DGKB: variants seen among roughly 807,000 people sequenced by gnomAD.
DGKB encodes 90 kDa diacylglycerol kinase.
DGKB carries 67 observed loss-of-function variants against 114.3 expected under a neutral mutation model. The observed-to-expected ratio is 0.59, with a 90% CI of 0.48 to 0.72. The LOEUF (loss-of-function observed/expected upper bound fraction) is 0.72. Ranked by LOEUF, DGKB falls within the 30% of genes least tolerant of loss-of-function variation. The pLI, the probability that DGKB is intolerant of heterozygous loss-of-function variation, is 0.00. For missense variants in DGKB, 907 were observed against 975.2 expected, an observed-to-expected ratio of 0.93 and a Z score of 0.93; for synonymous variants, 398 against 323.1, an observed-to-expected ratio of 1.23 and a Z score of -2.49.
chr7:14,866,092 T>C (rs1851669947), intron 1 of DGKB, among the ~76,000 whole-genome samples: 1 of 152,150 alleles, frequency 6.6e-6, no homozygotes, highest in African/African-American at 2.4e-5. Flanking sequence ...ACTTGTTTTT[T>C]AAAGACTTAA....
intron 23 of DGKB, among the ~76,000 whole-genome samples, chr7:14,331,270 C>A (rs559184263): frequency 3.3e-5 from 5 of 151,874 alleles, no homozygotes; most frequent in Non-Finnish European, 5.9e-5. Context: ...ACATCTCAAA[C>A]GCCATACTAT....
intron 2 of DGKB, among the ~76,000 whole-genome samples, chr7:14,770,509 G>A (rs1311705964): frequency 1.3e-5 from 2 of 152,110 alleles, no homozygotes; most frequent in Non-Finnish European, 2.9e-5. Flanking sequence ...AAAGTGTCAT[G>A]CCTAAATGAA....
intron 1 of DGKB, among the ~76,000 whole-genome samples, chr7:14,841,704 A>G (rs373592551): frequency 6.6e-6 from 1 of 152,188 alleles, no homozygotes; most frequent in Non-Finnish European, 1.5e-5. Context: ...TAAACATTAC[A>G]TATAAAATCT....
chr7:14,436,688 T>G lies in DGKB; in HGVS notation c.1835+41473A>C, dbSNP rs570932587. On this transcript the variant is annotated intron_variant, in intron 21 of 25. Coordinates refer to ENST00000402815, the MANE Select transcript of DGKB (RefSeq NM_001350709.2). ...AAGTAAATTGCTTTGATTTTTTATT[T>G]CACTCTTAGTGATTTTCCAGTGGTT... is the stretch of plus-strand genomic sequence containing the variant. Among the ~76,000 whole-genome samples the G allele has an allele frequency of 1.6e-4, 24 of 152,258 alleles. No individual in the cohort carries two copies. In the South Asian group the frequency reaches 4.8e-3, roughly 30 times the overall value.
intron 1 of DGKB, among the ~76,000 whole-genome samples, chr7:14,919,968 A>G (rs1784436474): frequency 6.6e-6 from 1 of 152,174 alleles, no homozygotes; most frequent in Non-Finnish European, 1.5e-5. Context: ...TCTGCAAACC[A>G]TGAGCCAAAA....
chr7:14,645,114 C>A (rs528971931), intron 13 of DGKB, among the ~76,000 whole-genome samples: 1 of 151,934 alleles, frequency 6.6e-6, no homozygotes, highest in African/African-American at 2.4e-5. Context: ...TTTTTCAAGA[C>A]CAACCATGGA....
chr7:14,429,262 C>G (rs1206675012), intron 21 of DGKB, among the ~76,000 whole-genome samples: 1 of 151,946 alleles, frequency 6.6e-6, no homozygotes, highest in Non-Finnish European at 1.5e-5. Context: ...AGGATGGAGC[C>G]CTCATGATGG....
At chr7:14,913,101 A>C (rs989230765) in intron 1 of DGKB, among the ~76,000 whole-genome samples, 33 of 152,062 alleles carry the variant, frequency 2.2e-4, no homozygotes, top group African/African-American at 4.1e-4. Context: ...CCTCACTCAC[A>C]ATGTTCCAGC....
chr7:14,803,403 A>G (rs547239552), intron 2 of DGKB, among the ~76,000 whole-genome samples: 1 of 152,200 alleles, frequency 6.6e-6, no homozygotes. Flanking sequence ...ATACCAGTTA[A>G]TTCTATGTGA....
At chr7:14,629,172 A>T (rs889089090) in intron 14 of DGKB, among the ~76,000 whole-genome samples, 1 of 152,050 alleles carries the variant, frequency 6.6e-6, no homozygotes, top group African/African-American at 2.4e-5. Flanking sequence ...TAACCCAATG[A>T]AATAATAAAC....
chr7:14,185,439 G>A (rs1360760866), intron 23 of DGKB, among the ~76,000 whole-genome samples: 6 of 151,940 alleles, frequency 3.9e-5, no homozygotes, highest in Non-Finnish European at 7.4e-5. Context: ...TGACCATACT[G>A]CCAAAAGCAA....
intron 16 of DGKB, among the ~76,000 whole-genome samples, chr7:14,607,858 G>T (rs1804808756): frequency 6.6e-6 from 1 of 151,592 alleles, no homozygotes; most frequent in African/African-American, 2.4e-5. Context: ...TAATATTTCA[G>T]TATAAAATTG....
At chr7:14,622,250 T>G (rs764363330) in intron 14 of DGKB, among the ~76,000 whole-genome samples, 2 of 152,108 alleles carry the variant, frequency 1.3e-5, no homozygotes, top group Non-Finnish European at 2.9e-5. Flanking sequence ...CCAGGACACT[T>G]CTTTCTCTGA....
intron 12 of DGKB, among the ~76,000 whole-genome samples, chr7:14,677,966 G>T (rs1205783652): frequency 6.6e-6 from 1 of 152,020 alleles, no homozygotes; most frequent in Non-Finnish European, 1.5e-5. Context: ...AGTAAATCAA[G>T]AAACTGCAAG....
intron 2 of DGKB, among the ~76,000 whole-genome samples, chr7:14,787,257 A>G (rs1030173410): frequency 6.6e-6 from 1 of 152,186 alleles, no homozygotes; most frequent in Non-Finnish European, 1.5e-5. Context: ...TTAATTTTTT[A>G]TATATTAGCA....
chr7:14,816,556 T>A (rs1258253659), intron 2 of DGKB: 1 of 152,276 alleles, frequency 6.6e-6, no homozygotes, highest in African/African-American at 2.4e-5. Context: ...GCATGGATTA[T>A]GGAATCAGAC....
At chr7:14,883,473 C>T (rs577090146) in intron 1 of DGKB, among the ~76,000 whole-genome samples, 22 of 151,708 alleles carry the variant, frequency 1.5e-4, no homozygotes, top group Admixed American at 3.9e-4. Context: ...TGAATGAAAT[C>T]AAATTTTCTA....
chr7:14,562,751 G>A (rs769587508), intron 20 of DGKB, among the ~76,000 whole-genome samples: 1 of 152,140 alleles, frequency 6.6e-6, no homozygotes, highest in Non-Finnish European at 1.5e-5. Context: ...CAATTAACTT[G>A]CCTTTGATTT....
intron 21 of DGKB, among the ~76,000 whole-genome samples, chr7:14,361,669 C>T (rs1265919597): frequency 6.6e-6 from 1 of 151,754 alleles, no homozygotes; most frequent in Non-Finnish European, 1.5e-5. Flanking sequence ...AGGAAACATC[C>T]CCTCTCTTTT....
Sources: allele counts gnomAD v4.1 joint callset (sites outside exome capture counted in the v4.1 genomes callset), GRCh38; gene constraint gnomAD v4.1.1; transcripts MANE v1.5; gene names NCBI Gene and HGNC (gene_info 2026-07-23, HGNC 2026-07-21).